NPNT: variants seen among roughly 807,000 people sequenced by gnomAD.
NPNT encodes nephronectin.
In NPNT, 45 loss-of-function variants were observed where a neutral mutation model predicts 68.6. The ratio of observed to expected loss-of-function variants is 0.66; its 90% CI spans 0.52 to 0.84. NPNT has a LOEUF of 0.84. NPNT is among the 40% of genes least tolerant of loss of function. NPNT has a pLI of 0.00. For missense variants in NPNT, 672 were observed against 714.8 expected, an observed-to-expected ratio of 0.94 and a Z score of 0.68; for synonymous variants, 233 against 253.3, an observed-to-expected ratio of 0.92 and a Z score of 0.76.
Position 105,895,614 on chromosome 4 carries a change from G to A in NPNT, c.-39G>A, listed in dbSNP as rs1725751332. The A allele has an allele frequency of 1.3e-6, 2 of 1,534,020 alleles. No homozygotes were observed. The highest frequency in any genetic ancestry group is 1.8e-6 in the Non-Finnish European group (2 of 1,134,122). Reference sequence around the variant, plus strand: ...CGCCCACCACCCCAACCTGTTCCTCGCGCGCCACTGCGCTGCGCCCCAGGA... The same window carrying A: ...CGCCCACCACCCCAACCTGTTCCTCACGCGCCACTGCGCTGCGCCCCAGGA... On this transcript the variant is annotated 5_prime_UTR_variant, in exon 1 of 12. Transcript: ENST00000379987.
intron 2 of NPNT, among the ~76,000 whole-genome samples, chr4:105,922,683 G>T (rs528599304): frequency 6.6e-6 from 1 of 152,194 alleles, no homozygotes; most frequent in African/African-American, 2.4e-5. Flanking sequence ...AAAGAGCTAT[G>T]TTTGTTTTGC....
chr4:105,940,473 T>C (rs750019760), intron 6 of NPNT, 41 bp from the exon 7 acceptor site: 2 of 1,572,226 alleles, frequency 1.3e-6, no homozygotes, highest in Non-Finnish European at 1.7e-6. Context: ...ATCATATTTA[T>C]CTCCTAAATA....
intron 3 of NPNT, 94 bp from the exon 4 acceptor site, chr4:105,936,915 C>T: frequency 8.0e-7 from 1 of 1,249,874 alleles, no homozygotes; most frequent in Non-Finnish European, 1.1e-6. Flanking sequence ...ACCTATTTTT[C>T]TCTTTCATTT....
At chr4:105,906,629 T>C (rs1409389496) in intron 2 of NPNT, among the ~76,000 whole-genome samples, 1 of 152,208 alleles carries the variant, frequency 6.6e-6, no homozygotes, top group Non-Finnish European at 1.5e-5. Context: ...AAGTTTGCTG[T>C]ATTATTTAAC....
intron 2 of NPNT, among the ~76,000 whole-genome samples, chr4:105,920,948 A>G (rs1023860040): frequency 2.0e-5 from 3 of 152,154 alleles, no homozygotes; most frequent in Admixed American, 6.5e-5. Context: ...AATTATAGCA[A>G]TACTTCAACA....
chr4:105,966,146 C>T (rs1732114665), intron 10 of NPNT, among the ~76,000 whole-genome samples: 1 of 152,206 alleles, frequency 6.6e-6, no homozygotes, highest in African/African-American at 2.4e-5. Flanking sequence ...AATAGATACA[C>T]ATGTTCAACA....
chr4:105,960,782 G>GTGTGTA lies in NPNT; in HGVS notation c.1345+1657_1345+1658insGTGTAT, dbSNP rs201204694. 4.7e-3 allele frequency among the ~76,000 whole-genome samples: 713 copies of GTGTGTA among 150,540 alleles called. 5 individuals are homozygous for GTGTGTA. Among genetic ancestry groups the GTGTGTA allele is most frequent in the African/African-American group, 0.016 (662 of 40,650 alleles). On this transcript the variant is annotated intron_variant, in intron 10 of 11. Transcript: ENST00000379987. ...TCTACGTGTGTGTGTGTGTGTGTGT[G>GTGTGTA]TATACAATATAAAATACCTATGACA...
intron 8 of NPNT, among the ~76,000 whole-genome samples, chr4:105,948,904 C>T (rs550366763): frequency 2.0e-5 from 3 of 152,204 alleles, no homozygotes; most frequent in South Asian, 4.1e-4. Flanking sequence ...AGCCTAAAAA[C>T]AATTTTAGCT....
chr4:105,915,648 C>T (rs1454292068), intron 2 of NPNT, among the ~76,000 whole-genome samples: 1 of 152,084 alleles, frequency 6.6e-6, no homozygotes, highest in African/African-American at 2.4e-5. Flanking sequence ...AGATTACTCC[C>T]AAGTCTCTAG....
chr4:105,920,945 G>A (rs1221298843), intron 2 of NPNT, among the ~76,000 whole-genome samples: 2 of 152,032 alleles, frequency 1.3e-5, no homozygotes, highest in African/African-American at 4.8e-5. Context: ...AAAAATTATA[G>A]CAATACTTCA....
chr4:105,911,942 T>C (rs1727401244), intron 2 of NPNT: 5 of 444,736 alleles, frequency 1.1e-5, no homozygotes, highest in Non-Finnish European at 2.0e-5. Flanking sequence ...GAATTTGGAC[T>C]ATAGAAGAAT....
Position 105,949,517 on chromosome 4 carries a change from A to G in NPNT, c.1159+6815A>G, listed in dbSNP as rs866586781. Among the ~76,000 whole-genome samples the G allele has an allele frequency of 9.2e-5, 14 of 152,286 alleles. No individual in the cohort carries two copies. In the East Asian group the frequency reaches 9.6e-4, roughly 10 times the overall value. ...CAGAAAAGCAGCTATAAGTGGTGGT[A>G]TGCCTGTATGGACACCATAGGTTTG... On this transcript the variant is annotated intron_variant, in intron 8 of 11. Transcript: ENST00000379987.
Position 105,967,199 on chromosome 4 carries a change from C to T in NPNT, c.1357C>T (p.Leu453=), listed in dbSNP as rs751352597. 3.0e-5 allele frequency: 48 copies of T among 1,613,546 alleles called. No individual in the cohort carries two copies. Among genetic ancestry groups the T allele is most frequent in the African/African-American group, 5.3e-5 (4 of 74,888 alleles). The stretch of plus-strand genomic sequence containing the variant: ...TTTTCCCATTCCAGGTGGACAATAT[C>T]TGACAGTGTCGGCAGCCAAAGCCCC... ...PIRDPAGGQY[L]TVSAAKAPGG... Residue 453 remains leucine (L), a synonymous_variant, in exon 11 of 12, where the codon CTG becomes TTG. Transcript: ENST00000379987.
chr4:105,949,007 T>A (rs1480780944), intron 8 of NPNT, among the ~76,000 whole-genome samples: 2 of 152,150 alleles, frequency 1.3e-5, no homozygotes, highest in Non-Finnish European at 2.9e-5. Context: ...TGAGCAACAC[T>A]AAAGTTATCT....
chr4:105,915,925 A>G (rs530909218), intron 2 of NPNT, among the ~76,000 whole-genome samples: 33 of 152,350 alleles, frequency 2.2e-4, no homozygotes, highest in African/African-American at 7.7e-4. Flanking sequence ...AGCTTTAAAC[A>G]GTAGAAAAAG....
intron 3 of NPNT, among the ~76,000 whole-genome samples, chr4:105,934,613 G>A (rs1194146619): frequency 6.6e-6 from 1 of 152,224 alleles, no homozygotes; most frequent in East Asian, 1.9e-4. Context: ...CAGACCATCA[G>A]CAGCTGGTAG....
chr4:105,922,283 T>C (rs1274542559), intron 2 of NPNT, among the ~76,000 whole-genome samples: 1 of 152,066 alleles, frequency 6.6e-6, no homozygotes, highest in Non-Finnish European at 1.5e-5. Flanking sequence ...AGGACTGATG[T>C]GGGAGTTTAC....
intron 2 of NPNT, chr4:105,912,092 A>G: frequency 2.5e-6 from 2 of 808,928 alleles, no homozygotes; most frequent in Non-Finnish European, 4.1e-6. Flanking sequence ...AATATGTGTA[A>G]GTCTCCGGGA....
chr4:105,961,857 A>G (rs1164340017), intron 10 of NPNT, among the ~76,000 whole-genome samples: 1 of 152,224 alleles, frequency 6.6e-6, no homozygotes, highest in African/African-American at 2.4e-5. Flanking sequence ...AATATTGAAG[A>G]TAAACTGACC....
Sources: gnomAD v4.1 joint callset for allele counts (sites outside exome capture counted in the v4.1 genomes callset) on GRCh38, gnomAD v4.1.1 for gene constraint, MANE v1.5 for transcripts, NCBI Gene and HGNC (gene_info 2026-07-23, HGNC 2026-07-21) for gene names.